The following LAMA2 variants were observed in gnomAD, a reference collection of about 807,000 sequenced individuals.
The protein encoded by LAMA2 is laminin subunit alpha-2.
LAMA2 carries 269 observed loss-of-function variants against 364.8 expected under a neutral mutation model. That is an observed-to-expected ratio of 0.74 (90% CI 0.67 to 0.82). The LOEUF is 0.82. Among genes scored for constraint, LAMA2 ranks in the 40% least tolerant of loss-of-function variants. The pLI is 0.00. For missense variants in LAMA2, 3,807 were observed against 3,873.2 expected, an observed-to-expected ratio of 0.98 and a Z score of 0.45; for synonymous variants, 1,379 against 1,370.6, an observed-to-expected ratio of 1.01 and a Z score of -0.14.
chr6:129,088,242 C>T (rs536280097), intron 3 of LAMA2, among the ~76,000 whole-genome samples: 51 of 151,930 alleles, frequency 3.4e-4, no homozygotes, highest in African/African-American at 1.2e-3. Context: ...CATCCCAAGG[C>T]AGAAGAATCT....
At chr6:129,241,760 C>T (rs1256588888) in intron 12 of LAMA2, among the ~76,000 whole-genome samples, 1 of 152,156 alleles carries the variant, frequency 6.6e-6, no homozygotes, top group African/African-American at 2.4e-5. Flanking sequence ...GAAGAAGACA[C>T]TTAAAATGTA....
intron 12 of LAMA2, among the ~76,000 whole-genome samples, chr6:129,194,051 G>T (rs114241217): frequency 6.6e-6 from 1 of 151,922 alleles, no homozygotes; most frequent in African/African-American, 2.4e-5. Context: ...AATAAAAATC[G>T]AATTAAACTT....
chr6:129,493,460 G>A (rs771936934), intron 58 of LAMA2, among the ~76,000 whole-genome samples: 4 of 152,126 alleles, frequency 2.6e-5, no homozygotes, highest in African/African-American at 4.8e-5. Context: ...AGAAAAGATC[G>A]GATGCTTTCA....
At chr6:129,160,822 C>T (rs1562287124) in intron 8 of LAMA2, among the ~76,000 whole-genome samples, 1 of 151,448 alleles carries the variant, frequency 6.6e-6, no homozygotes, top group Non-Finnish European at 1.5e-5. Context: ...TGTTAATTTC[C>T]AAATATTTGA....
chr6:129,442,941 A>G (rs1782190411), intron 43 of LAMA2, 122 bp from the exon 44 acceptor site: 1 of 677,138 alleles, frequency 1.5e-6, no homozygotes. Context: ...GGGTGCATTT[A>G]TAATTAGTAC....
intron 56 of LAMA2, among the ~76,000 whole-genome samples, chr6:129,491,604 T>C (rs1332704308): frequency 6.6e-6 from 1 of 152,208 alleles, no homozygotes; most frequent in Non-Finnish European, 1.5e-5. Flanking sequence ...TGCAGAAGCC[T>C]CAGTTCTCAC....
chr6:129,129,758 A>T (rs1215791600), intron 4 of LAMA2, among the ~76,000 whole-genome samples: 3 of 151,628 alleles, frequency 2.0e-5, no homozygotes, highest in South Asian at 2.1e-4. Context: ...CCCCGTCTCT[A>T]CTAAAAATAC....
chr6:128,969,443 T>G (rs1782052490), intron 1 of LAMA2, among the ~76,000 whole-genome samples: 1 of 152,118 alleles, frequency 6.6e-6, no homozygotes, highest in Non-Finnish European at 1.5e-5. Context: ...TTTATTTTTA[T>G]TTTTTTGAAA....
chr6:129,368,411 A>G (rs190283154), intron 33 of LAMA2, among the ~76,000 whole-genome samples: 62 of 152,326 alleles, frequency 4.1e-4, no homozygotes, highest in Non-Finnish European at 6.6e-4. Context: ...GGGTGATATG[A>G]TGGACAACCT....
At chr6:129,264,487 T>C (rs957376504) in intron 15 of LAMA2, among the ~76,000 whole-genome samples, 1 of 152,042 alleles carries the variant, frequency 6.6e-6, no homozygotes, top group Non-Finnish European at 1.5e-5. Context: ...ATTCAGGTCT[T>C]AAATTCAGCA....
intron 24 of LAMA2, among the ~76,000 whole-genome samples, chr6:129,315,061 T>C (rs1873331): frequency 3.1e-3 from 471 of 152,300 alleles, no homozygotes; most frequent in African/African-American, 0.011. Flanking sequence ...GGAAGCATTA[T>C]GTTTTGAGAT....
chr6:129,470,757 G>A lies in LAMA2; in HGVS notation c.7301-2457G>A, dbSNP rs12524579. On this transcript the variant is annotated intron_variant, in intron 51 of 64. Transcript: ENST00000421865. ...GTAGTGGGAGAGGAATTGAAATAAG[G>A]CTCCAGCAATGTGGATGATTGCTCC... 7.8e-3 allele frequency among the ~76,000 whole-genome samples: 1,179 copies of A among 151,974 alleles called. 6 individuals carry two copies. Among genetic ancestry groups the A allele is most frequent in the Non-Finnish European group, 0.014 (925 of 67,872 alleles).
intron 3 of LAMA2, among the ~76,000 whole-genome samples, chr6:129,095,698 G>A (rs1775133375): frequency 1.3e-5 from 2 of 149,344 alleles, no homozygotes; most frequent in Non-Finnish European, 3.0e-5. Flanking sequence ...ATCACCTGAG[G>A]TTAGGAGTTT....
rs117365423 is a variant in LAMA2, at chr6:129,186,826, A to G, written c.1468-3379A>G. Among the ~76,000 whole-genome samples the G allele has an allele frequency of 6.7e-3, 1,010 of 151,796 alleles. 11 individuals carry two copies. Among genetic ancestry groups the G allele is most frequent in the South Asian group, 0.03 (146 of 4,824 alleles). ...AAACTATCGTGACTCTATTTCTCCAAGTAGAAACTGTGCTAAGGGAACTAA... is the reference window on the plus strand; with the variant it reads ...AAACTATCGTGACTCTATTTCTCCAGGTAGAAACTGTGCTAAGGGAACTAA... On this transcript the variant is annotated intron_variant, in intron 10 of 64. Coordinates refer to ENST00000421865, the MANE Select transcript of LAMA2 (RefSeq NM_000426.4).
intron 1 of LAMA2, among the ~76,000 whole-genome samples, chr6:128,896,540 G>T (rs67393504): frequency 0.11 from 16,097 of 151,530 alleles, 916 homozygotes; most frequent in African/African-American, 0.15. Context: ...TTAAAATTCT[G>T]CAAAAATAGC....
rs1778781690 is a variant in LAMA2 at position 129,383,019 on chromosome 6, G to A, written c.4960-103G>A. ...GATCAATAATTCATCGATTGCCGTT[G>A]GCTCAAAGTAATATTTGAAAGAAAA... On this transcript the variant is annotated intron_variant, in intron 34 of 64. Coordinates refer to ENST00000421865, the MANE Select transcript of LAMA2 (RefSeq NM_000426.4). The A allele has an allele frequency of 8.1e-6, 7 of 861,254 alleles. No individual in the cohort carries two copies. In the South Asian group the frequency reaches 9.8e-5, roughly 12 times the overall value. 53.4% of individuals were successfully genotyped at this position (861,254 alleles called of 1,614,324 possible).
chr6:129,338,355 C>T (rs953793034), intron 29 of LAMA2, among the ~76,000 whole-genome samples: 2 of 152,182 alleles, frequency 1.3e-5, no homozygotes, highest in African/African-American at 4.8e-5. Context: ...AACACTTATT[C>T]ATCAGCATGA....
At chr6:129,462,853 G>T (rs571453177) in intron 49 of LAMA2, among the ~76,000 whole-genome samples, 5 of 152,076 alleles carry the variant, frequency 3.3e-5, no homozygotes, top group South Asian at 2.1e-4. Context: ...TCATGGAGAA[G>T]ATGTAAAAGT....
intron 9 of LAMA2, among the ~76,000 whole-genome samples, chr6:129,167,870 A>G (rs1334309252): frequency 6.7e-6 from 1 of 150,146 alleles, no homozygotes; most frequent in Non-Finnish European, 1.5e-5. Context: ...CTGGTGTGAG[A>G]TGGTATCTCA....
Sources: gnomAD v4.1 joint callset for allele counts (sites outside exome capture counted in the v4.1 genomes callset) on GRCh38, gnomAD v4.1.1 for gene constraint, MANE v1.5 for transcripts, NCBI Gene and HGNC (gene_info 2026-07-23, HGNC 2026-07-21) for gene names.